Variants in RASSF2 observed in about 807,000 individuals in gnomAD.
RASSF2 encodes ras association domain-containing protein 2.
RASSF2 carries 34 observed loss-of-function variants against 46.3 expected under a neutral mutation model. The observed-to-expected ratio is 0.73, with a 90% CI of 0.56 to 0.98. The LOEUF is 0.98. Among genes scored for constraint, RASSF2 ranks in the 50% least tolerant of loss-of-function variants. RASSF2 has a pLI of 0.00. For missense variants in RASSF2, 364 were observed against 431.2 expected (o/e 0.84, Z 1.38); for synonymous variants, 158 against 162.5 (o/e 0.97, Z 0.21).
At chr20:4,797,782 C>A (rs1185496458) in intron 4 of RASSF2, among the ~76,000 whole-genome samples, 1 of 152,178 alleles carries the variant, frequency 6.6e-6, no homozygotes, top group African/African-American at 2.4e-5. Flanking sequence ...AGCCCTGCCA[C>A]ATTTCTACAG....
At chr20:4,815,140 T>C (rs1422385283) in intron 2 of RASSF2, 1 of 152,208 alleles carries the variant, frequency 6.6e-6, no homozygotes, top group Non-Finnish European at 1.5e-5. Flanking sequence ...AGAGCAAATG[T>C]CCCAGAGAAA....
chr20:4,792,212 C>G (rs1925932852), intron 6 of RASSF2, among the ~76,000 whole-genome samples: 1 of 133,594 alleles, frequency 7.5e-6, no homozygotes, highest in Non-Finnish European at 1.5e-5. Flanking sequence ...TGCACTGCAT[C>G]CTCCTGAGTG....
At chr20:4,804,469 C>T (rs1298498010) in intron 2 of RASSF2, among the ~76,000 whole-genome samples, 27 of 149,924 alleles carry the variant, frequency 1.8e-4, no homozygotes, top group African/African-American at 6.4e-4. Context: ...TCCTGAGTAG[C>T]TGGGATTACA....
intron 2 of RASSF2, among the ~76,000 whole-genome samples, chr20:4,801,896 G>T (rs764662308): frequency 6.6e-6 from 1 of 151,322 alleles, no homozygotes; most frequent in Non-Finnish European, 1.5e-5. Flanking sequence ...CCGCCATCAC[G>T]CCAGGCTAAT....
Position 4,784,355 on chromosome 20 carries a change from A to C in RASSF2, c.912-13T>G. ...GAGCACGGTGTACCTGGAGACAAGA[A>C]ACAGGCTCAGATGGAGAGCAGCCAG... On this transcript the variant is annotated splice_polypyrimidine_tract_variant and intron_variant, in intron 11 of 11. Coordinates refer to ENST00000379400, the MANE Select transcript of RASSF2 (RefSeq NM_014737.3). 1 of 1,612,744 alleles carries C rather than the reference A, an allele frequency of 6.2e-7. No individual in the cohort carries two copies. The highest frequency in any genetic ancestry group is 8.5e-7 in the Non-Finnish European group (1 of 1,178,834).
chr20:4,811,222 A>G (rs187908339), intron 2 of RASSF2, among the ~76,000 whole-genome samples: 3 of 152,332 alleles, frequency 2.0e-5, no homozygotes, highest in Non-Finnish European at 4.4e-5. Flanking sequence ...GGCACAGTTA[A>G]TGCCTGTAGT....
At chr20:4,788,318 C>T (rs1229083278) in intron 8 of RASSF2, 50 bp from the exon 9 acceptor site, 1 of 1,520,486 alleles carries the variant, frequency 6.6e-7, no homozygotes, top group Non-Finnish European at 9.1e-7. Flanking sequence ...TTAAACATCC[C>T]AACTTCGAGG....
In RASSF2 at chr20:4,781,836, A is replaced by C. The variant is rs1924858716; in HGVS notation, c.*2437T>G. The C allele has an allele frequency of 6.6e-6, 1 of 152,258 alleles. No homozygotes were observed. Among genetic ancestry groups the C allele is most frequent in the Non-Finnish European group, 1.5e-5 (1 of 68,046 alleles). The allele number at this position is 152,258 out of a possible 1,614,324, so 9.4% of individuals were successfully genotyped here. ...ATAAACTCCCACAAATCGGTCGAAG[A>C]GTTCAAAACTGCAAGACCATGTGAT... On this transcript the variant is annotated 3_prime_UTR_variant, in exon 12 of 12. Coordinates refer to ENST00000379400, the MANE Select transcript of RASSF2 (RefSeq NM_014737.3).
chr20:4,810,460 C>A (rs917356208), intron 2 of RASSF2, among the ~76,000 whole-genome samples: 1 of 152,188 alleles, frequency 6.6e-6, no homozygotes. Context: ...TTAGGTCTTG[C>A]TTCCTCCAAA....
chr20:4,803,356 G>A (rs141667622), intron 2 of RASSF2, among the ~76,000 whole-genome samples: 2 of 152,124 alleles, frequency 1.3e-5, no homozygotes, highest in African/African-American at 4.8e-5. Context: ...CAAGAAAATG[G>A]ACTTGTCTTA....
At chr20:4,800,383 G>A (rs547100379) in intron 3 of RASSF2, among the ~76,000 whole-genome samples, 180 of 152,222 alleles carry the variant, frequency 1.2e-3, no homozygotes, top group African/African-American at 4.0e-3. Context: ...CCATAGACTG[G>A]GTGGCTTCTA....
rs751229585 is a variant in RASSF2 at position 4,795,958 on chromosome 20, G to A, written c.144C>T (p.Asp48=). The A allele has an allele frequency of 1.8e-5, 28 of 1,520,430 alleles. 1 individual carries two copies. The East Asian group carries it at 2.0e-4, about 11-fold the overall frequency. The allele number at this position is 1,520,430 out of a possible 1,614,324, so 94.2% of individuals were successfully genotyped here. Residue 48 remains aspartate (D), a synonymous_variant, in exon 5 of 12, where the codon GAC becomes GAT. Transcript: ENST00000379400. This position sits in a 1 kb window ranked among gnomAD's most constrained non-coding sequence, Gnocchi z 4.0. ...TCAGGAGCCCCTCCACAATGAACTC[G>A]TCTTCTTCCTGCCCACAAAGCAATC... ...NLQLRHREEE[D]EFIVEGLLNI...
chr20:4,813,470 A>G (rs1035134945), intron 2 of RASSF2, among the ~76,000 whole-genome samples: 1 of 152,038 alleles, frequency 6.6e-6, no homozygotes, highest in East Asian at 1.9e-4. Context: ...CTCCAGCTCC[A>G]CCCCAGTGGG....
At chr20:4,801,452 G>A (rs1926861804) in intron 2 of RASSF2, among the ~76,000 whole-genome samples, 1 of 152,188 alleles carries the variant, frequency 6.6e-6, no homozygotes. Flanking sequence ...TACTGAGGAT[G>A]GGTAAACCAC....
intron 5 of RASSF2, 110 bp from the exon 6 acceptor site, chr20:4,792,737 C>G (rs1926008592): frequency 2.0e-6 from 3 of 1,478,040 alleles, no homozygotes; most frequent in Non-Finnish European, 1.8e-6. Context: ...TTTGCTAGTG[C>G]CAGGCTGGGT....
chr20:4,816,284 C>A (rs1928299845), intron 2 of RASSF2, among the ~76,000 whole-genome samples: 1 of 152,076 alleles, frequency 6.6e-6, no homozygotes, highest in African/African-American at 2.4e-5. Context: ...CTAGCCAGGG[C>A]AACAGAGTGA....
intron 2 of RASSF2, among the ~76,000 whole-genome samples, chr20:4,819,964 G>A (rs994662623): frequency 1.3e-5 from 2 of 152,142 alleles, no homozygotes; most frequent in East Asian, 1.9e-4. Context: ...AGCTGTCACC[G>A]CAAACAGCAG....
chr20:4,806,800 C>T (rs1022311807), intron 2 of RASSF2, among the ~76,000 whole-genome samples: 1 of 152,146 alleles, frequency 6.6e-6, no homozygotes, highest in Non-Finnish European at 1.5e-5. Context: ...TCCATCCACC[C>T]CGGCAGCTAC....
chr20:4,796,824 T>G (rs1926393413), intron 4 of RASSF2, among the ~76,000 whole-genome samples: 1 of 152,254 alleles, frequency 6.6e-6, no homozygotes, highest in African/African-American at 2.4e-5. Context: ...ATGGCCCAGC[T>G]GCTGATTAGT....
Sources: gnomAD v4.1 joint callset for allele counts (sites outside exome capture counted in the v4.1 genomes callset) on GRCh38, gnomAD v4.1.1 for gene constraint, Gnocchi (gnomAD v3.1) non-coding constraint, MANE v1.5 for transcripts, NCBI Gene and HGNC (gene_info 2026-07-23, HGNC 2026-07-21) for gene names.